Variants in ABCA1 observed in about 807,000 individuals in gnomAD.
The protein encoded by ABCA1 is ATP binding cassette subfamily A member 1.
Under a neutral mutation model 262.5 loss-of-function variants are expected in ABCA1, and 133 were observed. The observed-to-expected ratio is 0.51, with a 90% CI of 0.44 to 0.59. ABCA1 has a LOEUF of 0.59. ABCA1 is among the 20% of genes least tolerant of loss of function. The probability of loss-of-function intolerance (pLI) is 0.00; values close to 1 mark genes in which losing one functional copy is unlikely to be tolerated. For synonymous variants in ABCA1, 1,022 were observed against 1,043.5 expected (o/e 0.98, Z 0.40); for missense variants, 2,452 against 2,777.5 (o/e 0.88, Z 2.63).
chr9:104,851,767 C>T (rs566151116), intron 7 of ABCA1, among the ~76,000 whole-genome samples: 3 of 152,216 alleles, frequency 2.0e-5, no homozygotes, highest in Non-Finnish European at 4.4e-5. Flanking sequence ...TGACTACCTC[C>T]CTGGGCCAGA....
chr9:104,847,121 C>T (rs1013755594), intron 7 of ABCA1, among the ~76,000 whole-genome samples: 1 of 152,084 alleles, frequency 6.6e-6, no homozygotes, highest in South Asian at 2.1e-4. Context: ...AAACAAGAAA[C>T]GCCAGATCCA....
At chr9:104,853,168 TG>T (rs1835527825) in intron 7 of ABCA1, among the ~76,000 whole-genome samples, 1 of 152,214 alleles carries the variant, frequency 6.6e-6, no homozygotes, top group Non-Finnish European at 1.5e-5. Flanking sequence ...CTAGGCACAC[TG>T]GAAGACACGT....
At chr9:104,891,031 A>G (rs1839691317) in intron 2 of ABCA1, among the ~76,000 whole-genome samples, 1 of 152,154 alleles carries the variant, frequency 6.6e-6, no homozygotes, top group Admixed American at 6.5e-5. Context: ...TTAACATCAT[A>G]CTGGGAGAGC....
intron 1 of ABCA1, 159 bp downstream of exon 1, chr9:104,927,776 C>A (rs2437817): frequency 0.35 from 52,521 of 152,232 alleles, 9,493 homozygotes; most frequent in Admixed American, 0.44. Context: ...ACTAGGACAT[C>A]GTCTCCCCAT....
At chr9:104,884,668 G>A (rs1184715014) in intron 3 of ABCA1, 100 bp from the exon 4 acceptor site, 43 of 1,394,870 alleles carry the variant, frequency 3.1e-5, no homozygotes, top group South Asian at 4.8e-5. Context: ...AAGTCTGTCC[G>A]TCCCATTCCC....
intron 2 of ABCA1, among the ~76,000 whole-genome samples, chr9:104,902,860 C>T (rs1181282926): frequency 6.6e-6 from 1 of 151,474 alleles, no homozygotes; most frequent in East Asian, 1.9e-4. Context: ...GCTTAGAATC[C>T]AGGAAAAAAA....
chr9:104,896,595 C>T (rs943359349), intron 2 of ABCA1, among the ~76,000 whole-genome samples: 5 of 151,844 alleles, frequency 3.3e-5, no homozygotes, highest in Non-Finnish European at 7.4e-5. Context: ...AATGAGCTCC[C>T]CCATATATCA....
chr9:104,883,209 T>C (rs945291283), intron 4 of ABCA1, 52 bp from the exon 5 acceptor site: 2 of 1,479,908 alleles, frequency 1.4e-6, no homozygotes, highest in East Asian at 2.3e-5. Context: ...CAACTGCCTC[T>C]GCTGCTTTAC....
At position 104,807,482 on chromosome 9, in the gene ABCA1, TTAAAG is replaced by T. The variant is rs1205370872; in HGVS notation, c.4275-1057_4275-1053del. ...CCTTCCAGTTTCAGAATTCCACAAT[TTAAAG>T]TAAAGTTACAGCAATTATTTCCTTA... is the stretch of plus-strand genomic sequence containing the variant. On this transcript the variant is annotated intron_variant, in intron 30 of 49. Coordinates refer to ENST00000374736, the MANE Select transcript of ABCA1 (RefSeq NM_005502.4). Among the ~76,000 whole-genome samples the T allele has an allele frequency of 1.8e-4, 28 of 152,308 alleles. No homozygotes were observed. The East Asian group carries it at 2.5e-3, about 14-fold the overall frequency.
intron 7 of ABCA1, among the ~76,000 whole-genome samples, chr9:104,853,806 A>C (rs1340721937): frequency 6.6e-6 from 1 of 152,216 alleles, no homozygotes. Flanking sequence ...AACAAAAGCC[A>C]AAGGCACTGA....
At chr9:104,915,525 T>C (rs192877265) in intron 1 of ABCA1, among the ~76,000 whole-genome samples, 70 of 152,356 alleles carry the variant, frequency 4.6e-4, no homozygotes, top group Non-Finnish European at 7.3e-4. Flanking sequence ...AGGGTGTTTT[T>C]CTTTAAATAT....
At position 104,828,970 on chromosome 9, in the gene ABCA1, A is replaced by G; in HGVS notation, c.2061T>C (p.Ile687=). 2 of 1,614,184 alleles carry G rather than the reference A, an allele frequency of 1.2e-6. No individual in the cohort carries two copies. The highest frequency in any genetic ancestry group is 1.7e-6 in the Non-Finnish European group (2 of 1,180,042). The change falls in exon 15 of 50, where the codon ATT becomes ATC. Residue 687 remains isoleucine (I), a synonymous_variant. Coordinates refer to ENST00000374736, the MANE Select transcript of ABCA1 (RefSeq NM_005502.4). ...DNSILWFSWF[I]SSLIPLLVSA... is the part of the protein sequence containing the mutation. ...TCACAAGAAGAGGAATGAGGCTACT[A>G]ATGAACCAGCTAAACCAGAGGATGC... is the stretch of plus-strand genomic sequence containing the variant.
intron 15 of ABCA1, 51 bp downstream of exon 15, chr9:104,828,865 T>G: frequency 2.1e-4 from 329 of 1,575,728 alleles, no homozygotes; most frequent in Middle Eastern, 3.4e-4. Flanking sequence ...TAGCCCGTGT[T>G]GAGCTATTTC....
At chr9:104,873,669 C>T (rs960371326) in intron 5 of ABCA1, among the ~76,000 whole-genome samples, 1 of 152,224 alleles carries the variant, frequency 6.6e-6, no homozygotes, top group Non-Finnish European at 1.5e-5. Flanking sequence ...CTCTGAACTT[C>T]GGCTCCTTCA....
chr9:104,791,821 T>A (rs1829452354), intron 43 of ABCA1, 115 bp downstream of exon 43: 2 of 996,312 alleles, frequency 2.0e-6, no homozygotes, highest in Admixed American at 4.0e-5. Context: ...CATCCTGGCA[T>A]AAATACAGAA....
chr9:104,850,698 C>T (rs573347722), intron 7 of ABCA1, among the ~76,000 whole-genome samples: 86 of 152,310 alleles, frequency 5.6e-4, no homozygotes, highest in Non-Finnish European at 1.1e-3. Context: ...ACTGTGCTCT[C>T]CTGCTCATGC....
At chr9:104,885,814 T>G (rs1184698369) in intron 3 of ABCA1, among the ~76,000 whole-genome samples, 1 of 152,138 alleles carries the variant, frequency 6.6e-6, no homozygotes, top group East Asian at 1.9e-4. Flanking sequence ...TTCTATCATA[T>G]TCTCAGGGCT....
At chr9:104,847,339 T>C (rs1334938314) in intron 7 of ABCA1, among the ~76,000 whole-genome samples, 2 of 152,182 alleles carry the variant, frequency 1.3e-5, no homozygotes, top group Non-Finnish European at 2.9e-5. Context: ...TTCTCGACTA[T>C]GCAGCAAAGT....
intron 34 of ABCA1, among the ~76,000 whole-genome samples, chr9:104,801,394 AT>A (rs1437248810): frequency 7.8e-6 from 1 of 128,728 alleles, no homozygotes; most frequent in Non-Finnish European, 1.6e-5. Flanking sequence ...TAATTTTTCT[AT>A]GTTTTTAGCA....
Sources: gnomAD v4.1 joint callset for allele counts (sites outside exome capture counted in the v4.1 genomes callset) on GRCh38, gnomAD v4.1.1 for gene constraint, MANE v1.5 for transcripts, NCBI Gene and HGNC (gene_info 2026-07-23, HGNC 2026-07-21) for gene names.